Variants in FHIT observed in about 807,000 individuals in gnomAD.
FHIT encodes the protein fragile histidine triad diadenosine triphosphatase.
In FHIT, 19 loss-of-function variants were observed where a neutral mutation model predicts 17.9. That is an observed-to-expected ratio of 1.06 (90% confidence interval 0.74 to 1.56). FHIT has a LOEUF of 1.56. Among genes scored for constraint, FHIT ranks in the 40% most tolerant of loss-of-function variants. The pLI is 0.00. For synonymous variants in FHIT, 81 were observed against 69.7 expected (o/e 1.16, Z -0.81); for missense variants, 248 against 189.2 (o/e 1.31, Z -1.82).
intron 3 of FHIT, among the ~76,000 whole-genome samples, chr3:60,858,590 C>G (rs2594130): frequency 0.051 from 7,792 of 152,240 alleles, 242 homozygotes; most frequent in South Asian, 0.11. Flanking sequence ...TACCTTGCTC[C>G]ATGACAATCA....
At chr3:60,494,172 C>G (rs2034190917) in intron 5 of FHIT, among the ~76,000 whole-genome samples, 1 of 152,138 alleles carries the variant, frequency 6.6e-6, no homozygotes. Flanking sequence ...TTCATCATCC[C>G]AAAAGAAAAC....
intron 7 of FHIT, among the ~76,000 whole-genome samples, chr3:59,998,475 G>T (rs3821485): frequency 6.6e-6 from 1 of 152,088 alleles, no homozygotes; most frequent in Non-Finnish European, 1.5e-5. Flanking sequence ...ACTGAAAAGA[G>T]GGATTTTATG....
intron 4 of FHIT, among the ~76,000 whole-genome samples, chr3:60,780,702 CT>C (rs1553725547): frequency 6.6e-6 from 1 of 152,162 alleles, no homozygotes; most frequent in Non-Finnish European, 1.5e-5. Flanking sequence ...AGTCTTCATC[CT>C]TATCCTTAAT....
chr3:60,792,626 T>C (rs947047227), intron 4 of FHIT, among the ~76,000 whole-genome samples: 13 of 152,322 alleles, frequency 8.5e-5, no homozygotes, highest in African/African-American at 2.9e-4. Flanking sequence ...GCAAAGATGC[T>C]GCACCCAAAT....
intron 3 of FHIT, among the ~76,000 whole-genome samples, chr3:60,879,865 G>C (rs1257389189): frequency 6.6e-6 from 1 of 151,140 alleles, no homozygotes; most frequent in Non-Finnish European, 1.5e-5. Context: ...GAAAGAAAAA[G>C]AGTTTTTAAA....
In FHIT at chr3:59,748,421, T is replaced by TGAGAATCTTGCAAGTAGAACC. The variant is rs1257069648; in HGVS notation, c.*1143_*1163dup. 6.6e-6 allele frequency among the ~76,000 whole-genome samples: 1 copy of TGAGAATCTTGCAAGTAGAACC among 152,130 alleles called. No individual in the cohort carries two copies. The highest frequency in any genetic ancestry group is 1.5e-5 in the Non-Finnish European group (1 of 68,010). ...AGCCTAGGCAGGATTCAGCATGATC[T>TGAGAATCTTGCAAGTAGAACC]GAGAATCTTGCAAGTAGAACCAAGT... On this transcript the variant is annotated 3_prime_UTR_variant, in exon 10 of 10. Transcript: ENST00000492590.
At chr3:60,276,820 G>C (rs550462978) in intron 5 of FHIT, among the ~76,000 whole-genome samples, 1 of 152,252 alleles carries the variant, frequency 6.6e-6, no homozygotes, top group South Asian at 2.1e-4. Flanking sequence ...GAGAAAGAGA[G>C]AGAGTAGAGG....
chr3:59,938,804 A>T (rs557072431), intron 7 of FHIT, among the ~76,000 whole-genome samples: 145 of 152,236 alleles, frequency 9.5e-4, no homozygotes, highest in African/African-American at 3.2e-3. Flanking sequence ...CCACCCCCTA[A>T]CTAACTCCCC....
At chr3:60,893,187 C>T (rs571351353) in intron 3 of FHIT, among the ~76,000 whole-genome samples, 1 of 152,110 alleles carries the variant, frequency 6.6e-6, no homozygotes, top group Non-Finnish European at 1.5e-5. Flanking sequence ...GAGGGACACA[C>T]GGAGAAGAAA....
At chr3:59,984,866 C>T (rs140250475) in intron 7 of FHIT, among the ~76,000 whole-genome samples, 66 of 152,216 alleles carry the variant, frequency 4.3e-4, no homozygotes, top group African/African-American at 1.5e-3. Context: ...ATCCTCTTCA[C>T]AACAGCAACT....
intron 7 of FHIT, among the ~76,000 whole-genome samples, chr3:59,930,108 G>T (rs575619018): frequency 6.6e-6 from 1 of 152,174 alleles, no homozygotes; most frequent in Non-Finnish European, 1.5e-5. Context: ...TCCCAGCCAA[G>T]GTGTGAGGGA....
intron 5 of FHIT, among the ~76,000 whole-genome samples, chr3:60,401,938 A>T (rs566236317): frequency 6.6e-6 from 1 of 152,132 alleles, no homozygotes; most frequent in South Asian, 2.1e-4. Flanking sequence ...GAAGCCTTTC[A>T]TTTCATGCGT....
At chr3:61,195,218 G>GA (rs950468240) in intron 2 of FHIT, among the ~76,000 whole-genome samples, 13 of 150,452 alleles carry the variant, frequency 8.6e-5, no homozygotes, top group African/African-American at 2.7e-4. Flanking sequence ...CGGCTGAGCT[G>GA]AAAAAAAATA....
chr3:59,999,141 G>A (rs150436723), intron 7 of FHIT, among the ~76,000 whole-genome samples: 2 of 152,202 alleles, frequency 1.3e-5, no homozygotes, highest in African/African-American at 4.8e-5. Flanking sequence ...TGGGGCAGCA[G>A]ATTCATTTTT....
intron 3 of FHIT, among the ~76,000 whole-genome samples, chr3:60,828,208 T>C (rs182989966): frequency 6.6e-6 from 1 of 152,334 alleles, no homozygotes; most frequent in Non-Finnish European, 1.5e-5. Context: ...AATTCACCTT[T>C]TTTAACATTA....
At chr3:60,770,756 C>T (rs1407248990) in intron 4 of FHIT, among the ~76,000 whole-genome samples, 1 of 152,190 alleles carries the variant, frequency 6.6e-6, no homozygotes, top group Non-Finnish European at 1.5e-5. Flanking sequence ...TCTGACCAGA[C>T]CAGTTCTGCA....
chr3:60,929,403 GA>G (rs1553771057), intron 3 of FHIT, among the ~76,000 whole-genome samples: 1 of 152,148 alleles, frequency 6.6e-6, no homozygotes, highest in African/African-American at 2.4e-5. Context: ...ATTCAATTAG[GA>G]AAAGAGGAAA....
chr3:60,532,032 C>G (rs1003265778), intron 5 of FHIT, among the ~76,000 whole-genome samples: 10 of 152,166 alleles, frequency 6.6e-5, no homozygotes, highest in Non-Finnish European at 1.5e-4. Flanking sequence ...TCCCTACATG[C>G]ATCATCCTAA....
At chr3:60,552,952 G>A (rs180979) in intron 4 of FHIT, among the ~76,000 whole-genome samples, 1 of 152,134 alleles carries the variant, frequency 6.6e-6, no homozygotes, top group Non-Finnish European at 1.5e-5. Context: ...GTGAGATTAA[G>A]AGGCATGTCT....
Sources: allele counts gnomAD v4.1 joint callset (sites outside exome capture counted in the v4.1 genomes callset), GRCh38; gene constraint gnomAD v4.1.1; transcripts MANE v1.5; gene names NCBI Gene and HGNC (gene_info 2026-07-23, HGNC 2026-07-21).